The following ANAPC10 variants were observed in gnomAD, a reference collection of about 807,000 sequenced individuals.
ANAPC10 encodes anaphase-promoting complex subunit 10.
In ANAPC10, 12 loss-of-function variants were observed where a neutral mutation model predicts 22.0. The observed-to-expected ratio is 0.55, with a 90% CI of 0.35 to 0.88. The LOEUF is 0.88. Ranked by LOEUF, ANAPC10 falls within the 40% of genes least tolerant of loss-of-function variation. The pLI, the probability that ANAPC10 is intolerant of heterozygous loss-of-function variation, is 0.01. For synonymous variants in ANAPC10, 65 were observed against 69.5 expected (o/e 0.94, Z 0.32); for missense variants, 188 against 220.9 (o/e 0.85, Z 0.94).
intron 4 of ANAPC10, among the ~76,000 whole-genome samples, chr4:145,044,271 C>A (rs143679748): frequency 7.2e-5 from 11 of 152,130 alleles, no homozygotes; most frequent in African/African-American, 2.2e-4. Context: ...CAGAAAAGAG[C>A]TCAATGCAAC....
intron 4 of ANAPC10, among the ~76,000 whole-genome samples, chr4:145,013,339 A>T (rs1734640434): frequency 6.6e-6 from 1 of 152,156 alleles, no homozygotes; most frequent in Admixed American, 6.6e-5. Context: ...AAAAAGGATA[A>T]TATATCATTC....
intron 4 of ANAPC10, among the ~76,000 whole-genome samples, chr4:145,013,123 AT>A (rs1370484106): frequency 6.6e-6 from 1 of 152,202 alleles, no homozygotes; most frequent in Non-Finnish European, 1.5e-5. Context: ...CTGTGAGCCA[AT>A]TAAGTGTCTT....
At chr4:145,034,766 T>A (rs765775444) in intron 4 of ANAPC10, among the ~76,000 whole-genome samples, 1 of 151,528 alleles carries the variant, frequency 6.6e-6, no homozygotes, top group Non-Finnish European at 1.5e-5. Flanking sequence ...GCTGGGTGGA[T>A]GTGTGTTAGG....
At chr4:145,082,972 C>A (rs1285637060) in intron 2 of ANAPC10, among the ~76,000 whole-genome samples, 1 of 152,088 alleles carries the variant, frequency 6.6e-6, no homozygotes, top group Non-Finnish European at 1.5e-5. Context: ...TTATTGCATG[C>A]CCTTTCACAG....
rs548333266 is a variant in ANAPC10 at position 145,058,757 on chromosome 4, T to C, written c.327+5815A>G. 2.6e-5 allele frequency among the ~76,000 whole-genome samples: 4 copies of C among 152,282 alleles called. No homozygotes were observed. In the South Asian group the frequency reaches 6.2e-4, roughly 24 times the overall value. On this transcript the variant is annotated intron_variant, in intron 4 of 4. Transcript: ENST00000507656. The stretch of plus-strand genomic sequence containing the variant: ...ACAGATGTTACTTTTCTGTATAACA[T>C]ATTTTAGTTCCAAAAGGAAATATGC...
At chr4:145,087,579 C>T (rs1373513170) in intron 2 of ANAPC10, among the ~76,000 whole-genome samples, 1 of 152,168 alleles carries the variant, frequency 6.6e-6, no homozygotes, top group Admixed American at 6.5e-5. Context: ...TGGCTATATA[C>T]ATTTAAACGA....
intron 4 of ANAPC10, among the ~76,000 whole-genome samples, chr4:144,997,131 C>T (rs1339086614): frequency 5.9e-5 from 9 of 152,174 alleles, no homozygotes; most frequent in East Asian, 1.9e-4. Context: ...CTGAAAGTGA[C>T]GGCCAGAATG....
At chr4:145,052,125 G>C (rs1741194807) in intron 4 of ANAPC10, among the ~76,000 whole-genome samples, 1 of 152,156 alleles carries the variant, frequency 6.6e-6, no homozygotes, top group African/African-American at 2.4e-5. Flanking sequence ...GGACAGTTGG[G>C]AGATGTTGGT....
intron 4 of ANAPC10, among the ~76,000 whole-genome samples, chr4:145,063,007 AT>A (rs1258701796): frequency 3.9e-5 from 6 of 152,182 alleles, no homozygotes; most frequent in Non-Finnish European, 8.8e-5. Context: ...TCTAGGGGCT[AT>A]AATGGAAGGA....
chr4:145,086,749 C>CCCCCAACT (rs1403462384), intron 2 of ANAPC10, among the ~76,000 whole-genome samples: 3 of 151,930 alleles, frequency 2.0e-5, no homozygotes, highest in South Asian at 2.1e-4. Flanking sequence ...TAGAAACACT[C>CCCCCAACT]CCCCAACTCC....
intron 2 of ANAPC10, among the ~76,000 whole-genome samples, chr4:145,091,561 T>C (rs1463923945): frequency 4.6e-5 from 7 of 152,196 alleles, no homozygotes; most frequent in Non-Finnish European, 8.8e-5. Flanking sequence ...CAGTATTCCA[T>C]AGTGTATATG....
intron 4 of ANAPC10, among the ~76,000 whole-genome samples, chr4:145,040,576 A>G (rs995267695): frequency 1.3e-5 from 2 of 152,216 alleles, no homozygotes; most frequent in Non-Finnish European, 2.9e-5. Flanking sequence ...TCCCAACATC[A>G]TATCTCCAAT....
intron 3 of ANAPC10, among the ~76,000 whole-genome samples, chr4:145,072,352 T>A (rs1744608371): frequency 1.3e-5 from 2 of 152,184 alleles, no homozygotes; most frequent in African/African-American, 4.8e-5. Flanking sequence ...AGATCAGTAA[T>A]ACATACAAAT....
chr4:145,032,695 C>T (rs528865136), intron 4 of ANAPC10, among the ~76,000 whole-genome samples: 7 of 152,276 alleles, frequency 4.6e-5, no homozygotes, highest in African/African-American at 9.6e-5. Context: ...CCAAGGCTGA[C>T]GTGGCTACGG....
chr4:145,095,745 C>G (rs908489669), intron 2 of ANAPC10, among the ~76,000 whole-genome samples: 1 of 152,108 alleles, frequency 6.6e-6, no homozygotes, highest in Non-Finnish European at 1.5e-5. Flanking sequence ...TATAATTGTT[C>G]TATTTTATTA....
intron 4 of ANAPC10, among the ~76,000 whole-genome samples, chr4:145,027,307 A>G (rs968155510): frequency 6.6e-6 from 1 of 151,806 alleles, no homozygotes; most frequent in Non-Finnish European, 1.5e-5. Flanking sequence ...CCTGGCCAAA[A>G]ACTTCTTAAT....
At chr4:145,018,440 C>A (rs1273815786) in intron 4 of ANAPC10, among the ~76,000 whole-genome samples, 1 of 151,916 alleles carries the variant, frequency 6.6e-6, no homozygotes, top group Admixed American at 6.6e-5. Flanking sequence ...TTGAAACCAG[C>A]CTAACCAACA....
intron 4 of ANAPC10, among the ~76,000 whole-genome samples, chr4:145,014,405 C>T (rs529769730): frequency 2.6e-5 from 4 of 152,056 alleles, no homozygotes; most frequent in African/African-American, 9.7e-5. Context: ...GGGAACCTCA[C>T]CCCTATCCCC....
intron 4 of ANAPC10, among the ~76,000 whole-genome samples, chr4:145,030,957 T>G (rs1737490120): frequency 6.6e-6 from 1 of 152,162 alleles, no homozygotes; most frequent in South Asian, 2.1e-4. Flanking sequence ...CTTAACCAAG[T>G]GGTGACTCCA....
Sources: gnomAD v4.1 joint callset for allele counts (sites outside exome capture counted in the v4.1 genomes callset) on GRCh38, gnomAD v4.1.1 for gene constraint, MANE v1.5 for transcripts, NCBI Gene and HGNC (gene_info 2026-07-23, HGNC 2026-07-21) for gene names.